Variants in PDE4D observed in about 807,000 individuals in gnomAD.
PDE4D encodes 3',5'-cyclic-AMP phosphodiesterase 4D.
PDE4D carries 24 observed loss-of-function variants against 87.4 expected under a neutral mutation model. That is an observed-to-expected ratio of 0.27 (90% CI 0.20 to 0.39). PDE4D has a LOEUF of 0.39. PDE4D is among the 10% of genes least tolerant of loss of function. PDE4D has a pLI of 1.00. For synonymous variants in PDE4D, 384 were observed against 383.2 expected, an observed-to-expected ratio of 1.00 and a Z score of -0.02; for missense variants, 714 against 1,041.0, an observed-to-expected ratio of 0.69 and a Z score of 4.32.
intron 1 of PDE4D, among the ~76,000 whole-genome samples, chr5:59,434,699 C>T (rs1217082641): frequency 6.6e-6 from 1 of 152,074 alleles, no homozygotes; most frequent in Non-Finnish European, 1.5e-5. Context: ...TTCAAATCAA[C>T]TGTGTTCCTC....
intron 1 of PDE4D, among the ~76,000 whole-genome samples, chr5:59,509,640 T>A (rs1245992827): frequency 1.3e-5 from 2 of 151,222 alleles, no homozygotes; most frequent in Non-Finnish European, 3.0e-5. Flanking sequence ...TTGGAAAATT[T>A]TTTAGGGTTA....
intron 1 of PDE4D, among the ~76,000 whole-genome samples, chr5:60,499,611 C>G (rs979173379): frequency 6.6e-6 from 1 of 152,282 alleles, no homozygotes; most frequent in South Asian, 2.1e-4. Context: ...CTTTCCAAAA[C>G]TTGGTGCTTA....
intron 5 of PDE4D, chr5:59,172,699 C>T (rs958134773): frequency 1.3e-5 from 2 of 151,094 alleles, no homozygotes; most frequent in African/African-American, 2.4e-5. Context: ...CAGAGTGAGG[C>T]CCTATTTCTA....
chr5:59,485,493 A>C (rs1328521125), intron 1 of PDE4D, among the ~76,000 whole-genome samples: 1 of 152,152 alleles, frequency 6.6e-6, no homozygotes, highest in Non-Finnish European at 1.5e-5. Flanking sequence ...TGTCTCTACC[A>C]GTAAGGTTTT....
At chr5:59,243,305 T>A (rs915683746) in intron 1 of PDE4D, among the ~76,000 whole-genome samples, 2 of 152,086 alleles carry the variant, frequency 1.3e-5, no homozygotes, top group Non-Finnish European at 2.9e-5. Context: ...CATATGGAAC[T>A]GGGGCCTCAA....
intron 1 of PDE4D, among the ~76,000 whole-genome samples, chr5:59,374,056 C>T (rs1465990556): frequency 6.6e-6 from 1 of 152,114 alleles, no homozygotes; most frequent in Non-Finnish European, 1.5e-5. Context: ...AAGACCATTA[C>T]CAGACACTAC....
At chr5:60,492,964 A>G (rs901593745), upstream of PDE4D, among the ~76,000 whole-genome samples, 7 of 152,214 alleles carry the variant, frequency 4.6e-5, no homozygotes, top group Non-Finnish European at 1.0e-4. Context: ...GATGTGGTGA[A>G]ATGTGTCTAC....
intron 1 of PDE4D, among the ~76,000 whole-genome samples, chr5:60,318,422 T>A (rs1349489089): frequency 6.6e-6 from 1 of 152,180 alleles, no homozygotes; most frequent in African/African-American, 2.4e-5. Context: ...CACTGATGGG[T>A]CTTGACTCTT....
At chr5:60,416,882 C>T (rs1056210219) in intron 1 of PDE4D, among the ~76,000 whole-genome samples, 20 of 152,168 alleles carry the variant, frequency 1.3e-4, no homozygotes, top group Middle Eastern at 3.2e-3. Context: ...TAATGTGATA[C>T]GAACAAGAAA....
At chr5:60,107,048 C>CAA in intron 2 of PDE4D, among the ~76,000 whole-genome samples, 1 of 141,350 alleles carries the variant, frequency 7.1e-6, no homozygotes, top group African/African-American at 2.6e-5. Flanking sequence ...AAAAACCCTT[C>CAA]AAAAATTAAT....
intron 2 of PDE4D, among the ~76,000 whole-genome samples, chr5:60,053,149 A>G (rs1770384876): frequency 6.6e-6 from 1 of 152,192 alleles, no homozygotes; most frequent in Non-Finnish European, 1.5e-5. Flanking sequence ...TATCCCCATC[A>G]AGCTACCACT....
intron 1 of PDE4D, among the ~76,000 whole-genome samples, chr5:59,524,729 G>C (rs1362673237): frequency 6.6e-6 from 1 of 152,174 alleles, no homozygotes; most frequent in Non-Finnish European, 1.5e-5. Flanking sequence ...TTTATTTTGT[G>C]GGGTGGGCCT....
intron 1 of PDE4D, among the ~76,000 whole-genome samples, chr5:60,188,087 T>C (rs1476319875): frequency 6.6e-6 from 1 of 152,174 alleles, no homozygotes; most frequent in Non-Finnish European, 1.5e-5. Flanking sequence ...CATTCTTGTT[T>C]TTTCTTCTAT....
chr5:59,260,677 A>G (rs1012575948), intron 1 of PDE4D, among the ~76,000 whole-genome samples: 2 of 151,812 alleles, frequency 1.3e-5, no homozygotes, highest in African/African-American at 4.8e-5. Context: ...AACAATTTAT[A>G]AGAAAGTCAA....
chr5:59,407,231 C>T (rs561282704), intron 1 of PDE4D, among the ~76,000 whole-genome samples: 112 of 152,228 alleles, frequency 7.4e-4, no homozygotes, highest in African/African-American at 2.6e-3. Flanking sequence ...ACCTTCCTTC[C>T]CGCTCTCTCT....
At chr5:60,096,004 G>A (rs1775639590) in intron 2 of PDE4D, among the ~76,000 whole-genome samples, 1 of 152,064 alleles carries the variant, frequency 6.6e-6, no homozygotes, top group African/African-American at 2.4e-5. Flanking sequence ...CCCTTTGTCA[G>A]ATGGATAGAT....
chr5:60,166,819 T>C (rs1391714508), intron 2 of PDE4D, among the ~76,000 whole-genome samples: 2 of 152,200 alleles, frequency 1.3e-5, no homozygotes, highest in African/African-American at 4.8e-5. Context: ...TTTCTGTGTA[T>C]AGCATTCTTG....
rs189462455 is a variant in PDE4D, at chr5:59,633,419, C to T, written c.455+259749G>A. Among the ~76,000 whole-genome samples the T allele has an allele frequency of 5.7e-3, 869 of 152,132 alleles. 6 individuals are homozygous for T. The highest frequency in any genetic ancestry group is 8.8e-3 in the Non-Finnish European group (599 of 67,982). On this transcript the variant is annotated intron_variant, in intron 1 of 14. Transcript: ENST00000340635. ...AAAGATACTCCTTGAGAAGAGCAAC[C>T]CCAAGACACATAATCGTGAGATTCA... is the stretch of plus-strand genomic sequence containing the variant.
At chr5:59,619,158 C>G (rs1830060184) in intron 1 of PDE4D, among the ~76,000 whole-genome samples, 1 of 151,942 alleles carries the variant, frequency 6.6e-6, no homozygotes, top group African/African-American at 2.4e-5. Flanking sequence ...AAATGATTAT[C>G]AAGTTTCTGG....
Sources: gnomAD v4.1 joint callset for allele counts (sites outside exome capture counted in the v4.1 genomes callset) on GRCh38, gnomAD v4.1.1 for gene constraint, MANE v1.5 for transcripts, NCBI Gene and HGNC (gene_info 2026-07-23, HGNC 2026-07-21) for gene names.